The following SLC38A6 variants were observed in gnomAD, a reference collection of about 807,000 sequenced individuals.
SLC38A6 encodes the protein solute carrier family 38 member 6, also known as N system amino acid transporter NAT-1.
In SLC38A6, 73 loss-of-function variants were observed where a neutral mutation model predicts 65.0. The ratio of observed to expected loss-of-function variants is 1.12; its 90% CI spans 0.93 to 1.37. The LOEUF is 1.37. Ranked by LOEUF, SLC38A6 falls within the 40% of genes most tolerant of loss-of-function variation. The pLI, the probability that SLC38A6 is intolerant of heterozygous loss-of-function variation, is 0.00. For synonymous variants in SLC38A6, 183 were observed against 178.8 expected, an observed-to-expected ratio of 1.02 and a Z score of -0.19; for missense variants, 561 against 531.1, an observed-to-expected ratio of 1.06 and a Z score of -0.55.
At chr14:60,981,740 T>C (rs2037046083) in intron 1 of SLC38A6, 3 of 1,297,914 alleles carry the variant, frequency 2.3e-6, no homozygotes, top group African/African-American at 3.0e-5. Context: ...GTGAGGTCTT[T>C]GCAAGAGTCA....
chr14:60,984,869 A>ATTTGAG, intron 3 of SLC38A6, 66 bp downstream of exon 3: 3 of 1,419,682 alleles, frequency 2.1e-6, no homozygotes, highest in Non-Finnish European at 3.0e-6. Flanking sequence ...CTACATATAG[A>ATTTGAG]ACTGGATGTC....
chr14:61,041,946 C>A (rs533237611), intron 8 of SLC38A6, among the ~76,000 whole-genome samples: 120 of 151,860 alleles, frequency 7.9e-4, no homozygotes, highest in African/African-American at 2.9e-3. Context: ...TTCACCCTCA[C>A]CTCATCCTCA....
At chr14:61,012,423 C>G (rs1434616600) in intron 3 of SLC38A6, among the ~76,000 whole-genome samples, 2 of 152,068 alleles carry the variant, frequency 1.3e-5, no homozygotes, top group African/African-American at 4.8e-5. Flanking sequence ...TTGCCTTCTG[C>G]TAGCTTTTGA....
At chr14:61,011,855 G>T (rs1295839943) in intron 3 of SLC38A6, among the ~76,000 whole-genome samples, 1 of 152,108 alleles carries the variant, frequency 6.6e-6, no homozygotes. Flanking sequence ...TTTTTTGGTT[G>T]TGTCTCTGCC....
chr14:61,002,721 T>A (rs1363705577), intron 3 of SLC38A6, among the ~76,000 whole-genome samples: 2 of 152,144 alleles, frequency 1.3e-5, no homozygotes, highest in African/African-American at 4.8e-5. Flanking sequence ...TTCCCCGAAT[T>A]TACTTAAGAT....
intron 15 of SLC38A6, among the ~76,000 whole-genome samples, chr14:61,062,829 C>T (rs551746245): frequency 2.0e-5 from 3 of 152,198 alleles, no homozygotes; most frequent in South Asian, 2.1e-4. Context: ...TACAGGCGCA[C>T]GCCACCACAC....
chr14:60,984,380 T>G (rs1232769660), intron 2 of SLC38A6, among the ~76,000 whole-genome samples: 1 of 152,160 alleles, frequency 6.6e-6, no homozygotes, highest in Non-Finnish European at 1.5e-5. Flanking sequence ...TGTTTAGACT[T>G]AAAATAAGAA....
At chr14:60,981,830 A>G (rs1404451761) in intron 1 of SLC38A6, 3 of 922,008 alleles carry the variant, frequency 3.3e-6, no homozygotes, top group East Asian at 6.1e-5. Context: ...TAGCGGTAGA[A>G]TGGAAGTGGC....
At chr14:61,055,116 T>TC (rs2042666659), downstream of SLC38A6, among the ~76,000 whole-genome samples, 12 of 132,794 alleles carry the variant, frequency 9.0e-5, no homozygotes, top group East Asian at 9.0e-4. Flanking sequence ...CTTTTTTTTT[T>TC]TCTTTTTTTT....
At chr14:61,050,777 C>A in intron 13 of SLC38A6, 141 bp downstream of exon 13, 1 of 708,640 alleles carries the variant, frequency 1.4e-6, no homozygotes, top group African/African-American at 1.8e-5. Context: ...TCAAAGACTT[C>A]ATACTTGCAT....
At chr14:61,007,516 C>G (rs1049587271) in intron 3 of SLC38A6, among the ~76,000 whole-genome samples, 9 of 152,172 alleles carry the variant, frequency 5.9e-5, no homozygotes, top group African/African-American at 1.9e-4. Context: ...TTTGCATGTG[C>G]CTGTGGTCCC....
At position 61,005,602 on chromosome 14, in the gene SLC38A6, G is replaced by A. The variant is rs1324387600; in HGVS notation, c.311-10302G>A. ...TCACAATTGCTTCAAAGAGAATAAA[G>A]TACCTAGGAATCCAACTTAGAAGGG... On this transcript the variant is annotated intron_variant, in intron 3 of 15. Transcript: ENST00000267488. Among the ~76,000 whole-genome samples, 9 of 151,866 alleles carry A rather than the reference G, an allele frequency of 5.9e-5. No homozygotes were observed. In the South Asian group the frequency reaches 6.2e-4, roughly 11 times the overall value.
intron 15 of SLC38A6, among the ~76,000 whole-genome samples, chr14:61,076,916 T>A (rs551405365): frequency 2.6e-5 from 4 of 152,336 alleles, no homozygotes; most frequent in African/African-American, 4.8e-5. Context: ...TACGAAACAA[T>A]GTCAGAAATC....
At chr14:61,044,322 A>C (rs2042000444) in intron 10 of SLC38A6, among the ~76,000 whole-genome samples, 1 of 152,196 alleles carries the variant, frequency 6.6e-6, no homozygotes, top group Non-Finnish European at 1.5e-5. Flanking sequence ...TAAATGAGAA[A>C]TATCTCTCTG....
At chr14:61,029,661 G>A (rs1724075658) in intron 5 of SLC38A6, among the ~76,000 whole-genome samples, 1 of 152,036 alleles carries the variant, frequency 6.6e-6, no homozygotes, top group African/African-American at 2.4e-5. Flanking sequence ...ATCAGAATTA[G>A]GATCGTTATT....
At chr14:61,048,672 A>G (rs989172168) in intron 12 of SLC38A6, among the ~76,000 whole-genome samples, 1 of 152,198 alleles carries the variant, frequency 6.6e-6, no homozygotes, top group Admixed American at 6.6e-5. Context: ...GAGCTCCTAA[A>G]GTTTAATTTC....
At position 61,043,498 on chromosome 14, in the gene SLC38A6, A is replaced by G; in HGVS notation, c.739A>G (p.Lys247Glu). Residue 247 changes from lysine (K) to glutamate (E), a missense_variant, in exon 10 of 16, where the codon AAA (lysine) becomes GAA (glutamate). By Grantham distance (56) the Lys-to-Glu change is moderately conservative (BLOSUM62 1). Coordinates refer to ENST00000267488, the MANE Select transcript of SLC38A6 (RefSeq NM_153811.3). The stretch of plus-strand genomic sequence containing the variant: ...TAAGCCAAAGCTCTTTCATTTCTCC[A>G]AAGAGGTGTGTAAGTTATTAACAGA... ...DCKPKLFHFS[K>E]ESAYALPTMA... 2 of 1,604,876 alleles carry G rather than the reference A, an allele frequency of 1.2e-6. No individual in the cohort carries two copies. Among genetic ancestry groups the G allele is most frequent in the Non-Finnish European group, 1.7e-6 (2 of 1,174,974 alleles).
intron 6 of SLC38A6, among the ~76,000 whole-genome samples, chr14:61,036,104 A>C (rs763272768): frequency 6.6e-6 from 1 of 152,092 alleles, no homozygotes; most frequent in African/African-American, 2.4e-5. Context: ...AAAATGACCT[A>C]TTATTTTACC....
chr14:61,069,773 A>G (rs2043163396), intron 15 of SLC38A6, among the ~76,000 whole-genome samples: 1 of 152,098 alleles, frequency 6.6e-6, no homozygotes, highest in Non-Finnish European at 1.5e-5. Context: ...TGAGTGGGTA[A>G]TGTGCACATG....
Sources: gnomAD v4.1 joint callset for allele counts (sites outside exome capture counted in the v4.1 genomes callset) on GRCh38, gnomAD v4.1.1 for gene constraint, MANE v1.5 for transcripts, NCBI Gene and HGNC (gene_info 2026-07-23, HGNC 2026-07-21) for gene names.